The following DIP2B variants were observed in gnomAD, a reference collection of about 807,000 sequenced individuals.
DIP2B encodes the protein DIP2 acetate--CoA ligase B (putative).
Under a neutral mutation model 198.0 loss-of-function variants are expected in DIP2B, and 76 were observed. The ratio of observed to expected loss-of-function variants is 0.38; its 90% confidence interval spans 0.32 to 0.46. DIP2B has a LOEUF of 0.46. Among genes scored for constraint, DIP2B ranks in the 20% least tolerant of loss-of-function variants. The pLI is 0.99. For synonymous variants in DIP2B, 701 were observed against 739.1 expected, an observed-to-expected ratio of 0.95 and a Z score of 0.84; for missense variants, 1,559 against 1,978.4, an observed-to-expected ratio of 0.79 and a Z score of 4.02.
At chr12:50,549,697 TAAAAA>T (rs56326368) in intron 1 of DIP2B, among the ~76,000 whole-genome samples, 7 of 64,770 alleles carry the variant, frequency 1.1e-4, no homozygotes, top group South Asian at 8.5e-4. Context: ...GACTCCATCT[TAAAAA>T]AAAAAAAAAA....
At chr12:50,720,646 G>T (rs1407670457) in intron 25 of DIP2B, among the ~76,000 whole-genome samples, 1 of 151,988 alleles carries the variant, frequency 6.6e-6, no homozygotes, top group Non-Finnish European at 1.5e-5. Flanking sequence ...GCCAGGCACG[G>T]TGGCTCATGC....
intron 2 of DIP2B, 98 bp downstream of exon 2, chr12:50,626,145 T>A: frequency 7.9e-7 from 1 of 1,265,354 alleles, no homozygotes; most frequent in Non-Finnish European, 1.1e-6. Flanking sequence ...TGTTTTTCCC[T>A]CCCTTCCTCA....
chr12:50,568,166 C>T (rs564827334), intron 1 of DIP2B, among the ~76,000 whole-genome samples: 2 of 152,240 alleles, frequency 1.3e-5, no homozygotes, highest in East Asian at 1.9e-4. Flanking sequence ...AGGTCTGGGA[C>T]TTGGGAGTGT....
chr12:50,671,212 G>A lies in DIP2B; in HGVS notation c.454G>A (p.Gly152Ser), dbSNP rs369968523. The change falls in exon 5 of 38, where the codon GGC becomes AGC. Residue 152 changes from glycine to serine, a missense_variant. By Grantham distance (56) the Gly-to-Ser change is moderately conservative (BLOSUM62 0). Transcript: ENST00000301180. Reference sequence around the variant, plus strand: ...CACATCTTCGGCCTCTGAGGATGAGGGCTCTCTGAGACGCCAAGCTGCGCT... The same window carrying A: ...CACATCTTCGGCCTCTGAGGATGAGAGCTCTCTGAGACGCCAAGCTGCGCT... ...PDTSSASEDE[G>S]SLRRQAALSA... 6 of 1,614,028 alleles carry A rather than the reference G, an allele frequency of 3.7e-6. No homozygotes were observed. The African/African-American group carries it at 8.0e-5, about 22-fold the overall frequency.
At chr12:50,665,018 T>C (rs1240014654) in intron 4 of DIP2B, among the ~76,000 whole-genome samples, 2 of 151,864 alleles carry the variant, frequency 1.3e-5, no homozygotes, top group African/African-American at 4.8e-5. Context: ...CCGGCTAATA[T>C]TTTTATTTTT....
intron 1 of DIP2B, among the ~76,000 whole-genome samples, chr12:50,601,367 CAG>C (rs1958935220): frequency 6.6e-6 from 1 of 150,962 alleles, no homozygotes; most frequent in Non-Finnish European, 1.5e-5. Flanking sequence ...TTTTTTTAGA[CAG>C]AGTCTTGCTC....
intron 20 of DIP2B, among the ~76,000 whole-genome samples, 171 bp downstream of exon 20, chr12:50,704,391 C>T (rs1178286385): frequency 6.6e-6 from 1 of 152,188 alleles, no homozygotes; most frequent in East Asian, 1.9e-4. Context: ...TTATCATTTC[C>T]ACTACCCAAG....
At chr12:50,617,654 C>T (rs979640734) in intron 1 of DIP2B, among the ~76,000 whole-genome samples, 3 of 151,904 alleles carry the variant, frequency 2.0e-5, no homozygotes, top group African/African-American at 7.2e-5. Flanking sequence ...ACTAAAAATA[C>T]AAAAATTACC....
Position 50,744,607 on chromosome 12 carries a change from A to C in DIP2B, c.4499A>C (p.Asn1500Thr). Residue 1500 changes from asparagine to threonine, a missense_variant, in exon 38 of 38, where the codon AAC becomes ACC. Physicochemically the swap from Asn to Thr is moderately conservative, Grantham distance 65. Coordinates refer to ENST00000301180, the MANE Select transcript of DIP2B (RefSeq NM_173602.3). ...TTCAGTGCCGTGTTCACATGGACCA[A>C]CTTGCTTGTGGTGGTTGTGGAACTG... ...IAECAVFTWT[N>T]LLVVVVELCG... 1 of 1,614,052 alleles carries C rather than the reference A, an allele frequency of 6.2e-7. No individual in the cohort carries two copies. Among genetic ancestry groups the C allele is most frequent in the Non-Finnish European group, 8.5e-7 (1 of 1,179,934 alleles).
chr12:50,682,556 G>C (rs971430259), intron 9 of DIP2B, among the ~76,000 whole-genome samples: 1 of 149,102 alleles, frequency 6.7e-6, no homozygotes, highest in African/African-American at 2.5e-5. Context: ...GTGAACCCAG[G>C]AGGCGGAGCT....
At chr12:50,563,877 G>A (rs1280935965) in intron 1 of DIP2B, among the ~76,000 whole-genome samples, 1 of 141,674 alleles carries the variant, frequency 7.1e-6, no homozygotes, top group East Asian at 2.3e-4. Flanking sequence ...CAGGATATTT[G>A]CTGGATTTAT....
intron 2 of DIP2B, among the ~76,000 whole-genome samples, chr12:50,639,368 G>A (rs1484618731): frequency 6.6e-6 from 1 of 152,146 alleles, no homozygotes; most frequent in African/African-American, 2.4e-5. Flanking sequence ...TCATTCACAT[G>A]TTTGATGCCT....
chr12:50,625,297 G>T (rs1186249793), intron 1 of DIP2B, among the ~76,000 whole-genome samples: 1 of 152,000 alleles, frequency 6.6e-6, no homozygotes, highest in East Asian at 1.9e-4. Context: ...TCCATTTCTT[G>T]CCACTTCAAC....
chr12:50,602,589 G>A (rs1958946462), intron 1 of DIP2B, among the ~76,000 whole-genome samples: 1 of 152,256 alleles, frequency 6.6e-6, no homozygotes, highest in African/African-American at 2.4e-5. Context: ...GGGGCTGGGT[G>A]CGGTGGCTCA....
intron 14 of DIP2B, among the ~76,000 whole-genome samples, chr12:50,694,442 C>T (rs1024710441): frequency 2.0e-5 from 3 of 151,926 alleles, no homozygotes; most frequent in African/African-American, 7.3e-5. Flanking sequence ...TTGCAGTGAG[C>T]CGAGATCGCA....
chr12:50,633,088 A>T (rs1938092113), intron 2 of DIP2B, among the ~76,000 whole-genome samples: 1 of 151,850 alleles, frequency 6.6e-6, no homozygotes, highest in African/African-American at 2.4e-5. Context: ...CTTGTGAATG[A>T]TTTTTTTTGT....
At chr12:50,505,463 T>G (rs1375193333) in intron 1 of DIP2B, among the ~76,000 whole-genome samples, 1 of 152,122 alleles carries the variant, frequency 6.6e-6, no homozygotes, top group Admixed American at 6.5e-5. Context: ...TAAGGGCTTG[T>G]GGAAAGGTCC....
rs539381271 is a variant in DIP2B, at chr12:50,717,458, T to C, written c.2852-1251T>C. The stretch of plus-strand genomic sequence containing the variant: ...TTGGCTCACTGCAAGCTTCGCCTCC[T>C]GGGTTGACGCCATTCTCCTGCCTCA... On this transcript the variant is annotated intron_variant, in intron 23 of 37. Transcript: ENST00000301180. Among the ~76,000 whole-genome samples, 116 of 144,608 alleles carry C rather than the reference T, an allele frequency of 8.0e-4. 1 individual carries two copies. The South Asian group carries it at 8.8e-3, about 11-fold the overall frequency. The allele number at this position is 144,608 out of a possible 152,430, so 94.9% of individuals were successfully genotyped here.
chr12:50,618,235 T>TTGAAGAG (rs1389703597), intron 1 of DIP2B, among the ~76,000 whole-genome samples: 1 of 152,232 alleles, frequency 6.6e-6, no homozygotes, highest in East Asian at 1.9e-4. Context: ...GTGCCATTTT[T>TTGAAGAG]TGAAGAGTGA....
Sources: allele counts gnomAD v4.1 joint callset (sites outside exome capture counted in the v4.1 genomes callset), GRCh38; gene constraint gnomAD v4.1.1; transcripts MANE v1.5; gene names NCBI Gene and HGNC (gene_info 2026-07-23, HGNC 2026-07-21).